Variants in CA10 observed in about 807,000 individuals in gnomAD.
CA10 encodes carbonic anhydrase-related protein 10.
CA10 carries 14 observed loss-of-function variants against 44.2 expected under a neutral mutation model. The ratio of observed to expected loss-of-function variants is 0.32; its 90% CI spans 0.21 to 0.50. The LOEUF is 0.50. Among genes scored for constraint, CA10 ranks in the 20% least tolerant of loss-of-function variants. The pLI, the probability that CA10 is intolerant of heterozygous loss-of-function variation, is 0.99. For missense variants in CA10, 350 were observed against 409.7 expected, an observed-to-expected ratio of 0.85 and a Z score of 1.26; for synonymous variants, 159 against 141.6, an observed-to-expected ratio of 1.12 and a Z score of -0.87.
chr17:52,015,709 C>A (rs777789173), intron 2 of CA10, among the ~76,000 whole-genome samples: 4 of 152,038 alleles, frequency 2.6e-5, no homozygotes, highest in African/African-American at 4.8e-5. Context: ...TCAATTTCAC[C>A]ATTTCTTCAA....
intron 4 of CA10, among the ~76,000 whole-genome samples, chr17:51,712,353 T>C (rs1214701259): frequency 6.6e-6 from 1 of 152,204 alleles, no homozygotes; most frequent in East Asian, 1.9e-4. Context: ...TTGTCCAATC[T>C]TTAAAATAGG....
chr17:51,655,549 G>A (rs1209680031), intron 4 of CA10, among the ~76,000 whole-genome samples: 1 of 152,210 alleles, frequency 6.6e-6, no homozygotes, highest in Non-Finnish European at 1.5e-5. Context: ...CCTTCACTGT[G>A]CATCCAGATC....
chr17:51,860,581 G>A (rs966923440), intron 3 of CA10, among the ~76,000 whole-genome samples: 6 of 152,206 alleles, frequency 3.9e-5, no homozygotes, highest in African/African-American at 1.4e-4. Flanking sequence ...GACAGTCTTG[G>A]AGGATGGATG....
intron 2 of CA10, among the ~76,000 whole-genome samples, chr17:51,948,477 G>A (rs191405431): frequency 5.3e-4 from 81 of 152,260 alleles, no homozygotes; most frequent in African/African-American, 1.9e-3. Flanking sequence ...CTCCCCAGAG[G>A]ACTGGGTTCC....
At chr17:52,099,061 G>A (rs1988474340) in intron 1 of CA10, among the ~76,000 whole-genome samples, 1 of 151,982 alleles carries the variant, frequency 6.6e-6, no homozygotes, top group Admixed American at 6.6e-5. Context: ...AAGAGGTGAG[G>A]GTGGCAGGGT....
chr17:51,675,035 C>T (rs921379593), intron 4 of CA10, among the ~76,000 whole-genome samples: 6 of 152,140 alleles, frequency 3.9e-5, no homozygotes, highest in Admixed American at 2.0e-4. Flanking sequence ...CAGCCTGTTG[C>T]CCCCCGTTGC....
At chr17:52,017,329 T>G (rs2144146510) in intron 2 of CA10, among the ~76,000 whole-genome samples, 1 of 152,206 alleles carries the variant, frequency 6.6e-6, no homozygotes, top group South Asian at 2.1e-4. Flanking sequence ...AGAGACTTGT[T>G]AAGTGGTTGT....
intron 3 of CA10, among the ~76,000 whole-genome samples, chr17:51,788,649 A>C (rs1906388475): frequency 6.6e-6 from 1 of 152,184 alleles, no homozygotes; most frequent in East Asian, 1.9e-4. Flanking sequence ...AAAACAAACA[A>C]ACCTACTGTA....
Position 51,814,503 on chromosome 17 carries a change from G to C in CA10, c.280-66685C>G, listed in dbSNP as rs1019978063. 4.6e-5 allele frequency among the ~76,000 whole-genome samples: 7 copies of C among 152,188 alleles called. No homozygotes were observed. In the South Asian group the frequency reaches 6.2e-4, roughly 14 times the overall value. ...GAAAAAAGGGCAAGGCAAATTAAAG[G>C]CTGTTGTAAGTCCTGCGGTAAGGAA... is the stretch of plus-strand genomic sequence containing the variant. On this transcript the variant is annotated intron_variant, in intron 3 of 8. Coordinates refer to ENST00000451037, the MANE Select transcript of CA10 (RefSeq NM_020178.5).
intron 2 of CA10, among the ~76,000 whole-genome samples, chr17:52,017,512 G>T (rs1252444711): frequency 6.6e-6 from 1 of 152,120 alleles, no homozygotes; most frequent in Non-Finnish European, 1.5e-5. Flanking sequence ...GAACTTAAGA[G>T]GGATGACTTA....
chr17:51,868,453 G>A (rs562803723), intron 3 of CA10, among the ~76,000 whole-genome samples: 3 of 152,204 alleles, frequency 2.0e-5, no homozygotes, highest in South Asian at 2.1e-4. Flanking sequence ...CAAGTCCCCA[G>A]TAAAAGGCAC....
At chr17:51,926,484 G>C (rs1982434854) in intron 3 of CA10, among the ~76,000 whole-genome samples, 1 of 152,128 alleles carries the variant, frequency 6.6e-6, no homozygotes, top group African/African-American at 2.4e-5. Context: ...TGGCTCAAGT[G>C]AACTCAAATT....
intron 8 of CA10, among the ~76,000 whole-genome samples, chr17:51,633,084 T>A (rs1912659269): frequency 6.7e-6 from 1 of 148,926 alleles, no homozygotes; most frequent in East Asian, 2.0e-4. Context: ...AACATCAGCC[T>A]TTCTGGGCTC....
chr17:51,692,233 AG>A (rs1915221116), intron 4 of CA10, among the ~76,000 whole-genome samples: 1 of 92,640 alleles, frequency 1.1e-5, no homozygotes, highest in Non-Finnish European at 2.1e-5. Flanking sequence ...ATTTATTCTT[AG>A]GGTTTTTTTT....
intron 3 of CA10, among the ~76,000 whole-genome samples, chr17:51,840,746 C>T (rs1241957730): frequency 6.6e-6 from 1 of 152,114 alleles, no homozygotes; most frequent in South Asian, 2.1e-4. Context: ...AGGAAACTGA[C>T]TATGAGCGGA....
intron 3 of CA10, among the ~76,000 whole-genome samples, chr17:51,839,508 A>C (rs1429478096): frequency 6.8e-6 from 1 of 147,780 alleles, no homozygotes; most frequent in Non-Finnish European, 1.5e-5. Context: ...CTCAAAAAAA[A>C]AAAAAAAAAA....
chr17:51,862,685 C>T (rs917832376), intron 3 of CA10, among the ~76,000 whole-genome samples: 1 of 152,020 alleles, frequency 6.6e-6, no homozygotes, highest in African/African-American at 2.4e-5. Flanking sequence ...GAGTCTGGAA[C>T]TCCAAGATTA....
chr17:51,932,958 C>T (rs1982724969), intron 2 of CA10, among the ~76,000 whole-genome samples: 1 of 152,062 alleles, frequency 6.6e-6, no homozygotes, highest in African/African-American at 2.4e-5. Context: ...CCTCAATCAT[C>T]TCAAATTATG....
chr17:51,699,729 A>C (rs1915526628), intron 4 of CA10, among the ~76,000 whole-genome samples: 1 of 152,136 alleles, frequency 6.6e-6, no homozygotes, highest in South Asian at 2.1e-4. Flanking sequence ...GGCATTGCTG[A>C]TCTTGTTACA....
Sources: allele counts gnomAD v4.1 joint callset (sites outside exome capture counted in the v4.1 genomes callset), GRCh38; gene constraint gnomAD v4.1.1; transcripts MANE v1.5; gene names NCBI Gene and HGNC (gene_info 2026-07-23, HGNC 2026-07-21).